ST8SIA1: variants seen among roughly 807,000 people sequenced by gnomAD.
The protein encoded by ST8SIA1 is ST8 alpha-N-acetyl-neuraminide alpha-2,8-sialyltransferase 1.
Under a neutral mutation model 35.9 loss-of-function variants are expected in ST8SIA1, and 16 were observed. The ratio of observed to expected loss-of-function variants is 0.45; its 90% CI spans 0.30 to 0.68. The LOEUF is 0.68. Ranked by LOEUF, ST8SIA1 falls within the 30% of genes least tolerant of loss-of-function variation. The pLI is 0.09. For missense variants in ST8SIA1, 383 were observed against 453.6 expected, an observed-to-expected ratio of 0.84 and a Z score of 1.41; for synonymous variants, 170 against 169.6, an observed-to-expected ratio of 1.00 and a Z score of -0.02.
Position 22,196,298 on chromosome 12 carries a change from T to C in ST8SIA1, c.*5254A>G, listed in dbSNP as rs1565563456. On this transcript the variant is annotated 3_prime_UTR_variant, in exon 5 of 5. Coordinates refer to ENST00000396037, the MANE Select transcript of ST8SIA1 (RefSeq NM_003034.4). Reference sequence around the variant, plus strand: ...AACAAATTAGAGGGAAACAGAAACATGTATTTTCCCTTACTGAAATGGTGA... The same window carrying C: ...AACAAATTAGAGGGAAACAGAAACACGTATTTTCCCTTACTGAAATGGTGA... The C allele has an allele frequency of 6.6e-6, 1 of 152,160 alleles. No individual in the cohort carries two copies. Among genetic ancestry groups the C allele is most frequent in the South Asian group, 2.1e-4 (1 of 4,830 alleles). The allele number at this position is 152,160 out of a possible 1,614,324, so 9.4% of individuals were successfully genotyped here. A position where few individuals can be genotyped will look rare whatever the true frequency, so the allele number is the denominator to read the frequency against.
intron 4 of ST8SIA1, among the ~76,000 whole-genome samples, chr12:22,233,191 C>T (rs915774655): frequency 1.3e-5 from 2 of 152,156 alleles, no homozygotes; most frequent in African/African-American, 4.8e-5. Context: ...AGTAGACGTA[C>T]AGGTCATACA....
At chr12:22,251,955 T>C (rs1194876973) in intron 3 of ST8SIA1, among the ~76,000 whole-genome samples, 1 of 152,188 alleles carries the variant, frequency 6.6e-6, no homozygotes, top group Admixed American at 6.5e-5. Context: ...AAAATTATGT[T>C]CCCTCATTCA....
At chr12:22,313,164 G>A (rs1866473926) in intron 1 of ST8SIA1, among the ~76,000 whole-genome samples, 2 of 152,088 alleles carry the variant, frequency 1.3e-5, no homozygotes, top group African/African-American at 4.8e-5. Flanking sequence ...TTTCGCAACT[G>A]CACAATAGAA....
intron 4 of ST8SIA1, among the ~76,000 whole-genome samples, chr12:22,216,333 T>G (rs1336157077): frequency 6.6e-6 from 1 of 152,140 alleles, no homozygotes; most frequent in Non-Finnish European, 1.5e-5. Flanking sequence ...GCCTACACCT[T>G]CAGCCTCTTT....
At chr12:22,264,258 C>T (rs1865822787) in intron 2 of ST8SIA1, among the ~76,000 whole-genome samples, 2 of 152,084 alleles carry the variant, frequency 1.3e-5, no homozygotes, top group South Asian at 4.2e-4. Context: ...TTGCACTGCC[C>T]TGCTCCAGGA....
Position 22,255,291 on chromosome 12 carries a change from A to G in ST8SIA1, c.480T>C (p.Asn160=). The G allele has an allele frequency of 5.0e-6, 8 of 1,614,112 alleles. No homozygotes were observed. Among genetic ancestry groups the G allele is most frequent in the Non-Finnish European group, 6.8e-6 (8 of 1,179,966 alleles). The change falls in exon 3 of 5, where the codon AAT becomes AAC. Residue 160 remains asparagine, a synonymous_variant. Transcript: ENST00000396037. The stretch of plus-strand genomic sequence containing the variant: ...GTGCTCTCTCTTACCGCATGACAAA[A>G]TTTGCTTCATCTATTTGACGGCCAC... ...SGCGRQIDEA[N]FVMRCNLPPL... is the part of the protein sequence containing the mutation.
intron 1 of ST8SIA1, among the ~76,000 whole-genome samples, chr12:22,319,258 T>C (rs552461486): frequency 9.8e-5 from 15 of 152,314 alleles, no homozygotes; most frequent in Non-Finnish European, 1.2e-4. Context: ...CATTATTGTC[T>C]CAAAAATGGA....
intron 2 of ST8SIA1, among the ~76,000 whole-genome samples, chr12:22,277,291 C>G (rs1254298321): frequency 6.6e-6 from 1 of 151,868 alleles, no homozygotes; most frequent in Non-Finnish European, 1.5e-5. Context: ...GTCACACACA[C>G]CAGTTTACAT....
chr12:22,290,769 C>T (rs1866164806), intron 1 of ST8SIA1, among the ~76,000 whole-genome samples: 1 of 152,172 alleles, frequency 6.6e-6, no homozygotes, highest in Non-Finnish European at 1.5e-5. Flanking sequence ...TTCTGGAGCA[C>T]AGCTATAGAC....
intron 1 of ST8SIA1, among the ~76,000 whole-genome samples, chr12:22,313,198 A>G (rs1164293366): frequency 6.6e-6 from 1 of 152,184 alleles, no homozygotes; most frequent in East Asian, 1.9e-4. Context: ...TCCCTCATAC[A>G]TTAGTAGAGA....
chr12:22,240,098 T>G (rs1865522930), intron 4 of ST8SIA1, among the ~76,000 whole-genome samples: 1 of 152,194 alleles, frequency 6.6e-6, no homozygotes, highest in South Asian at 2.1e-4. Context: ...GAGAGTCCTC[T>G]TGAGTAGCTA....
At chr12:22,276,336 CT>C (rs376002748) in intron 2 of ST8SIA1, among the ~76,000 whole-genome samples, 16 of 152,192 alleles carry the variant, frequency 1.1e-4, no homozygotes, top group African/African-American at 3.9e-4. Flanking sequence ...TGTGTGAACA[CT>C]CGGGATTTTT....
intron 4 of ST8SIA1, among the ~76,000 whole-genome samples, chr12:22,220,774 A>G (rs114163962): frequency 1.7e-3 from 263 of 152,244 alleles, no homozygotes; most frequent in African/African-American, 5.8e-3. Context: ...TGCTGTCTCC[A>G]ATGTGGTGAA....
chr12:22,240,788 G>A (rs1329246208), intron 4 of ST8SIA1, among the ~76,000 whole-genome samples: 2 of 151,972 alleles, frequency 1.3e-5, no homozygotes, highest in Admixed American at 6.6e-5. Flanking sequence ...CTAACCATTG[G>A]ATAAAATCTC....
intron 2 of ST8SIA1, among the ~76,000 whole-genome samples, chr12:22,277,741 A>C (rs1420630382): frequency 6.6e-6 from 1 of 152,160 alleles, no homozygotes; most frequent in Non-Finnish European, 1.5e-5. Context: ...AGTGGCAGTG[A>C]GGTAAGAAAA....
intron 4 of ST8SIA1, among the ~76,000 whole-genome samples, chr12:22,221,795 A>G (rs924985709): frequency 1.1e-4 from 16 of 152,250 alleles, no homozygotes; most frequent in Admixed American, 7.9e-4. Flanking sequence ...TTATACCTAT[A>G]TTAGATGTAG....
chr12:22,310,240 A>G (rs1315077891), intron 1 of ST8SIA1, among the ~76,000 whole-genome samples: 1 of 152,232 alleles, frequency 6.6e-6, no homozygotes, highest in Non-Finnish European at 1.5e-5. Flanking sequence ...CTCTATGAAT[A>G]TGGGTTATTT....
In ST8SIA1 at chr12:22,310,387, G is replaced by A. The variant is rs1462274015; in HGVS notation, c.237-23094C>T. 2.2e-4 allele frequency among the ~76,000 whole-genome samples: 34 copies of A among 152,124 alleles called. 1 individual carries two copies. Among genetic ancestry groups the A allele is most frequent in the Admixed American group, 2.2e-3 (33 of 15,272 alleles). On this transcript the variant is annotated intron_variant, in intron 1 of 4. Coordinates refer to ENST00000396037, the MANE Select transcript of ST8SIA1 (RefSeq NM_003034.4). ...TGGCTGCACAACCTTGTGTCTATAAGGGGCCTGTCTGTGCTAAAGACAAAG... is the reference window on the plus strand; with the variant it reads ...TGGCTGCACAACCTTGTGTCTATAAAGGGCCTGTCTGTGCTAAAGACAAAG...
At chr12:22,277,753 A>G (rs1865988130) in intron 2 of ST8SIA1, among the ~76,000 whole-genome samples, 1 of 152,176 alleles carries the variant, frequency 6.6e-6, no homozygotes, top group Admixed American at 6.5e-5. Context: ...GTAAGAAAAG[A>G]GGGGATTGAT....
Sources: allele counts gnomAD v4.1 joint callset (sites outside exome capture counted in the v4.1 genomes callset), GRCh38; gene constraint gnomAD v4.1.1; transcripts MANE v1.5; gene names NCBI Gene and HGNC (gene_info 2026-07-23, HGNC 2026-07-21).